Variants in ARMC3 observed in about 807,000 individuals in gnomAD.
ARMC3 encodes the protein armadillo repeat containing 3, also known as armadillo repeat-containing protein 3.
ARMC3 carries 74 observed loss-of-function variants against 90.3 expected under a neutral mutation model. The ratio of observed to expected loss-of-function variants is 0.82; its 90% CI spans 0.68 to 0.99. The LOEUF is 0.99. Ranked by LOEUF, ARMC3 falls within the 50% of genes least tolerant of loss-of-function variation. The pLI is 0.00. For synonymous variants in ARMC3, 334 were observed against 361.8 expected, an observed-to-expected ratio of 0.92 and a Z score of 0.87; for missense variants, 958 against 1,042.8, an observed-to-expected ratio of 0.92 and a Z score of 1.12.
intron 11 of ARMC3, 107 bp downstream of exon 11, chr10:22,998,504 T>C: frequency 1.4e-6 from 2 of 1,404,110 alleles, no homozygotes; most frequent in Non-Finnish European, 1.9e-6. Context: ...ATTTAAGTCC[T>C]TCAAAACCGG....
At chr10:23,002,447 C>T (rs1027093419) in intron 12 of ARMC3, among the ~76,000 whole-genome samples, 2 of 152,158 alleles carry the variant, frequency 1.3e-5, no homozygotes, top group African/African-American at 4.8e-5. Flanking sequence ...ACCAGAATTC[C>T]GCATTTCACC....
intron 10 of ARMC3, among the ~76,000 whole-genome samples, chr10:22,992,058 G>T (rs1451594770): frequency 6.6e-6 from 1 of 152,140 alleles, no homozygotes; most frequent in African/African-American, 2.4e-5. Context: ...TTTGCTGATG[G>T]CAGGTAGTTA....
chr10:22,940,779 A>G (rs1466906021), intron 2 of ARMC3, among the ~76,000 whole-genome samples: 1 of 152,258 alleles, frequency 6.6e-6, no homozygotes, highest in Middle Eastern at 3.4e-3. Flanking sequence ...AGCTACAGTG[A>G]CCCAAAATTA....
chr10:22,958,006 G>T (rs1391896223), intron 4 of ARMC3, among the ~76,000 whole-genome samples: 1 of 152,148 alleles, frequency 6.6e-6, no homozygotes, highest in Non-Finnish European at 1.5e-5. Flanking sequence ...AGGCTGCAGT[G>T]AGCCATGACC....
intron 8 of ARMC3, among the ~76,000 whole-genome samples, chr10:22,978,263 C>T (rs1256768544): frequency 6.6e-6 from 1 of 152,200 alleles, no homozygotes; most frequent in Non-Finnish European, 1.5e-5. Context: ...AATTGACTCA[C>T]AGTTCTGCCG....
chr10:23,021,479 T>G (rs1838513008), intron 16 of ARMC3, among the ~76,000 whole-genome samples: 2 of 152,196 alleles, frequency 1.3e-5, no homozygotes, highest in Non-Finnish European at 2.9e-5. Flanking sequence ...CATCTGTTAA[T>G]TTTTATTTTT....
chr10:22,930,624 G>A (rs1421181736), intron 1 of ARMC3, among the ~76,000 whole-genome samples: 1 of 152,176 alleles, frequency 6.6e-6, no homozygotes, highest in Non-Finnish European at 1.5e-5. Flanking sequence ...TTTCTATGAA[G>A]ACGTGGCTTT....
At chr10:22,964,284 G>A (rs1287228011) in intron 7 of ARMC3, among the ~76,000 whole-genome samples, 1 of 152,102 alleles carries the variant, frequency 6.6e-6, no homozygotes, top group East Asian at 1.9e-4. Context: ...TATATGGACT[G>A]AACACATATT....
chr10:23,000,584 C>T (rs1837232752), intron 11 of ARMC3, among the ~76,000 whole-genome samples: 1 of 152,124 alleles, frequency 6.6e-6, no homozygotes, highest in African/African-American at 2.4e-5. Context: ...AATGAGTGAA[C>T]AAATAAATGG....
chr10:22,988,562 G>A (rs1385542943), intron 10 of ARMC3, among the ~76,000 whole-genome samples: 2 of 152,100 alleles, frequency 1.3e-5, no homozygotes, highest in Non-Finnish European at 2.9e-5. Flanking sequence ...TAGGCTAATG[G>A]TTTCTCCTTA....
rs572107898 is a variant in ARMC3, at chr10:23,036,632, C to T, written c.2410-638C>T. ...TCTCAGATCTGGGCTATAATCCAGA[C>T]CCAGGCAGGCTAAGCCAGCTCTCCT... is the stretch of plus-strand genomic sequence containing the variant. On this transcript the variant is annotated intron_variant, in intron 18 of 18. Coordinates refer to ENST00000298032, the MANE Select transcript of ARMC3 (RefSeq NM_173081.5). 1.4e-4 allele frequency among the ~76,000 whole-genome samples: 21 copies of T among 152,310 alleles called. No homozygotes were observed. The South Asian group carries it at 4.4e-3, about 32-fold the overall frequency.
chr10:22,965,591 A>T (rs1835407427), intron 7 of ARMC3, among the ~76,000 whole-genome samples: 1 of 151,820 alleles, frequency 6.6e-6, no homozygotes, highest in Non-Finnish European at 1.5e-5. Flanking sequence ...CAATCATGGA[A>T]TTTTTCAGTC....
At chr10:22,934,600 G>A (rs1834045417) in intron 2 of ARMC3, among the ~76,000 whole-genome samples, 1 of 152,154 alleles carries the variant, frequency 6.6e-6, no homozygotes, top group African/African-American at 2.4e-5. Context: ...CGGTTCTGGG[G>A]CTATCTTGCC....
intron 16 of ARMC3, among the ~76,000 whole-genome samples, chr10:23,015,302 T>C (rs540698398): frequency 1.6e-4 from 25 of 152,378 alleles, no homozygotes; most frequent in South Asian, 6.2e-4. Context: ...AAAACACTCA[T>C]AGGAGACGTG....
rs188433139 is a variant in ARMC3, at chr10:22,942,793, T to C, written c.49-3351T>C. Among the ~76,000 whole-genome samples, 18 of 152,352 alleles carry C rather than the reference T, an allele frequency of 1.2e-4. No homozygotes were observed. The East Asian group carries it at 1.3e-3, about 11-fold the overall frequency. Reference sequence around the variant, plus strand: ...AAAAAGACATGTAAAAGAATATTCATTGTGACCTATGATTTCCTTAAACTG... The same window carrying C: ...AAAAAGACATGTAAAAGAATATTCACTGTGACCTATGATTTCCTTAAACTG... On this transcript the variant is annotated intron_variant, in intron 2 of 18. Coordinates refer to ENST00000298032, the MANE Select transcript of ARMC3 (RefSeq NM_173081.5).
In ARMC3 at chr10:22,961,884, G is replaced by C. The variant is rs995739980; in HGVS notation, c.538G>C (p.Asp180His). ...SMECIYNLVQ[D>H]FQCRAKLQEL... ...ATTGATCATCTGTATTTTGTGGCAG[G>C]ATTTTCAGTGTCGAGCTAAACTTCA... Residue 180 changes from aspartate (D) to histidine (H), a missense_variant and splice_region_variant, in exon 7 of 19, where the codon GAT (aspartate) becomes CAT (histidine). Coordinates refer to ENST00000298032, the MANE Select transcript of ARMC3 (RefSeq NM_173081.5). 6 of 1,596,522 alleles carry C rather than the reference G, an allele frequency of 3.8e-6. No homozygotes were observed. Among genetic ancestry groups the C allele is most frequent in the Admixed American group, 1.8e-5 (1 of 55,300 alleles).
chr10:22,990,994 T>C (rs1174293727), intron 10 of ARMC3, among the ~76,000 whole-genome samples: 2 of 151,796 alleles, frequency 1.3e-5, no homozygotes, highest in African/African-American at 4.8e-5. Context: ...CTCTGCCTCC[T>C]CCTCTCTGCT....
At chr10:23,025,726 A>G (rs1393039482) in intron 16 of ARMC3, among the ~76,000 whole-genome samples, 4 of 152,236 alleles carry the variant, frequency 2.6e-5, no homozygotes, top group Non-Finnish European at 5.9e-5. Flanking sequence ...ACAAACAGAA[A>G]GAAGGAAATA....
At chr10:22,932,461 C>T (rs77933220) in intron 2 of ARMC3, among the ~76,000 whole-genome samples, 11 of 152,280 alleles carry the variant, frequency 7.2e-5, no homozygotes, top group Non-Finnish European at 1.3e-4. Context: ...GACCACTGCA[C>T]GTGAGAAGTC....
Sources: gnomAD v4.1 joint callset for allele counts (sites outside exome capture counted in the v4.1 genomes callset) on GRCh38, gnomAD v4.1.1 for gene constraint, MANE v1.5 for transcripts, NCBI Gene and HGNC (gene_info 2026-07-23, HGNC 2026-07-21) for gene names.